SERPINA3: variants seen among roughly 807,000 people sequenced by gnomAD.
SERPINA3 encodes serpin family A member 3, also known as alpha-1-antichymotrypsin.
SERPINA3 carries 32 observed loss-of-function variants against 26.8 expected under a neutral mutation model. The observed-to-expected ratio is 1.20, with a 90% confidence interval of 0.90 to 1.61. The LOEUF (loss-of-function observed/expected upper bound fraction) is 1.61. Ranked by LOEUF, SERPINA3 falls within the 40% of genes most tolerant of loss-of-function variation. SERPINA3 has a pLI of 0.00. For synonymous variants in SERPINA3, 252 were observed against 206.4 expected, an observed-to-expected ratio of 1.22 and a Z score of -1.89; for missense variants, 632 against 517.9, an observed-to-expected ratio of 1.22 and a Z score of -2.14.
rs974361600 is a variant in SERPINA3 at position 94,615,051 on chromosome 14, A to G, written c.610A>G (p.Met204Val). The change falls in exon 2 of 5, where the codon ATG becomes GTG. Residue 204 changes from methionine to valine, a missense_variant. Coordinates refer to ENST00000393078, the MANE Select transcript of SERPINA3 (RefSeq NM_001085.5). ...GATCAAGGACCTTGACTCGCAGACA[A>G]TGATGGTCCTGGTGAATTACATCTT... is the stretch of plus-strand genomic sequence containing the variant. ...DLIKDLDSQT[M>V]MVLVNYIFFK... The G allele has an allele frequency of 2.7e-5, 43 of 1,614,054 alleles. No homozygotes were observed. The highest frequency in any genetic ancestry group is 6.6e-5 in the South Asian group (6 of 91,084).
chr14:94,622,416 G>C lies in SERPINA3; in HGVS notation c.993G>C (p.Leu331=). 1 of 1,614,054 alleles carries C rather than the reference G, an allele frequency of 6.2e-7. No individual in the cohort carries two copies. The highest frequency in any genetic ancestry group is 8.5e-7 in the Non-Finnish European group (1 of 1,179,992). ...ACCTGAACGACATACTTCTCCAGCT[G>C]GGCATTGAGGAAGCCTTCACCAGCA... The part of the protein sequence containing the change: ...DYNLNDILLQ[L]GIEEAFTSKA... The change falls in exon 4 of 5, where the codon CTG becomes CTC. Residue 331 remains leucine (L), a synonymous_variant. Coordinates refer to ENST00000393078, the MANE Select transcript of SERPINA3 (RefSeq NM_001085.5).
rs970400542 is a variant in SERPINA3 at position 94,619,099 on chromosome 14, A to T, written c.644-96A>T. ...TCTAAACCAAAGCAGGGTCCCTCCT[A>T]TGAGGGACTCTGGGCACTTCCACTG... On this transcript the variant is annotated intron_variant, in intron 2 of 4. Coordinates refer to ENST00000393078, the MANE Select transcript of SERPINA3 (RefSeq NM_001085.5). 7.6e-5 allele frequency: 108 copies of T among 1,422,922 alleles called. 2 individuals are homozygous for T. The Middle Eastern group carries it at 1.2e-3, about 16-fold the overall frequency. 88.1% of individuals were successfully genotyped at this position (1,422,922 alleles called of 1,614,324 possible).
chr14:94,619,673 G>A (rs1439667704), intron 3 of SERPINA3: 1 of 630,670 alleles, frequency 1.6e-6, no homozygotes, highest in African/African-American at 1.8e-5. Flanking sequence ...ACAAGGGGCT[G>A]AGGCTTCCTC....
Position 94,614,629 on chromosome 14 carries a change from A to G in SERPINA3, c.188A>G (p.Gln63Arg), listed in dbSNP as rs1885915766. ...NVDFAFSLYKQLVLKAPDKNV... is the reference protein window; with the variant it reads ...NVDFAFSLYKRLVLKAPDKNV... ...GACTTCGCTTTCAGCCTGTACAAGCAGTTAGTCCTGAAGGCCCCTGATAAG... is the reference window on the plus strand; with the variant it reads ...GACTTCGCTTTCAGCCTGTACAAGCGGTTAGTCCTGAAGGCCCCTGATAAG... Residue 63 changes from glutamine to arginine, a missense_variant, in exon 2 of 5, where the codon CAG (glutamine) becomes CGG (arginine). Coordinates refer to ENST00000393078, the MANE Select transcript of SERPINA3 (RefSeq NM_001085.5). 1 of 1,614,018 alleles carries G rather than the reference A, an allele frequency of 6.2e-7. No homozygotes were observed. Among genetic ancestry groups the G allele is most frequent in the South Asian group, 1.1e-5 (1 of 91,078 alleles).
intron 2 of SERPINA3, among the ~76,000 whole-genome samples, chr14:94,616,910 T>C (rs1339151764): frequency 1.3e-5 from 2 of 151,710 alleles, no homozygotes; most frequent in African/African-American, 4.8e-5. Context: ...CAGACAGAAA[T>C]GGGGGGAGAT....
intron 4 of SERPINA3, 113 bp from the exon 5 acceptor site, chr14:94,623,498 C>G: frequency 2.1e-6 from 2 of 961,286 alleles, no homozygotes; most frequent in Non-Finnish European, 3.3e-6. Context: ...AGCACAAAGA[C>G]AGGCCAGCAC....
At chr14:94,613,920 G>A (rs1885877796) in intron 1 of SERPINA3, 1 of 165,884 alleles carries the variant, frequency 6.0e-6, no homozygotes. Context: ...GACATCTAGA[G>A]GCTGGGAGAG....
chr14:94,616,591 G>A (rs1230108406), intron 2 of SERPINA3, among the ~76,000 whole-genome samples: 1 of 152,132 alleles, frequency 6.6e-6, no homozygotes, highest in Non-Finnish European at 1.5e-5. Context: ...CCAAGAGCAT[G>A]CAAGGATTGA....
In SERPINA3 at chr14:94,614,902, C is replaced by T. The variant is rs775971119; in HGVS notation, c.461C>T (p.Thr154Met). ...CAACTCAGTCTGCTGGACAGGTTCA[C>T]GGAGGATGCCAAGAGGCTGTATGGC... is the stretch of plus-strand genomic sequence containing the variant. ...KEQLSLLDRFTEDAKRLYGSE... is the reference protein window; with the variant it reads ...KEQLSLLDRFMEDAKRLYGSE... Residue 154 changes from threonine to methionine, a missense_variant, in exon 2 of 5, where the codon ACG (threonine) becomes ATG (methionine). Coordinates refer to ENST00000393078, the MANE Select transcript of SERPINA3 (RefSeq NM_001085.5). 1.9e-5 allele frequency: 30 copies of T among 1,614,164 alleles called. No homozygotes were observed. In the East Asian group the frequency reaches 2.5e-4, roughly 13 times the overall value.
intron 4 of SERPINA3, among the ~76,000 whole-genome samples, chr14:94,622,996 C>T (rs150481463): frequency 6.6e-6 from 1 of 152,204 alleles, no homozygotes. Flanking sequence ...GGCCATGCAG[C>T]CTTTTGCTCT....
At chr14:94,616,855 G>A (rs529510137) in intron 2 of SERPINA3, among the ~76,000 whole-genome samples, 43 of 152,290 alleles carry the variant, frequency 2.8e-4, no homozygotes, top group Non-Finnish European at 4.4e-5. Flanking sequence ...AGCTGAGGAT[G>A]TCAGAAGATG....
At chr14:94,619,811 G>T in intron 3 of SERPINA3, 1 of 388,212 alleles carries the variant, frequency 2.6e-6, no homozygotes, top group South Asian at 2.6e-5. Flanking sequence ...GTTGAGGGCT[G>T]CAGTGAGATG....
rs368401080 is a variant in SERPINA3 at position 94,614,765 on chromosome 14, G to T, written c.324G>T (p.Thr108=). ...EILKGLKFNL[T]ETSEAEIHQS... ...TCAAAGGCCTCAAGTTCAACCTCAC[G>T]GAGACTTCTGAGGCAGAAATTCACC... Residue 108 remains threonine (T), a synonymous_variant, in exon 2 of 5, where the codon ACG becomes ACT. Coordinates refer to ENST00000393078, the MANE Select transcript of SERPINA3 (RefSeq NM_001085.5). 3.1e-6 allele frequency: 5 copies of T among 1,614,002 alleles called. No individual in the cohort carries two copies. Among genetic ancestry groups the T allele is most frequent in the Non-Finnish European group, 4.2e-6 (5 of 1,180,032 alleles).
chr14:94,617,164 C>T (rs1886034617), intron 2 of SERPINA3, among the ~76,000 whole-genome samples: 1 of 152,176 alleles, frequency 6.6e-6, no homozygotes, highest in Non-Finnish European at 1.5e-5. Context: ...GCCACAGAAG[C>T]CCCTGAATGG....
chr14:94,622,430 C>T lies in SERPINA3; in HGVS notation c.1007C>T (p.Ala336Val). ...DILLQLGIEE[A>V]FTSKADLSGI... ...CTTCTCCAGCTGGGCATTGAGGAAG[C>T]CTTCACCAGCAAGGCTGACCTGTCA... The change falls in exon 4 of 5, where the codon GCC (alanine) becomes GTC (valine). Residue 336 changes from alanine (A) to valine (V), a missense_variant. Coordinates refer to ENST00000393078, the MANE Select transcript of SERPINA3 (RefSeq NM_001085.5). 1 of 1,614,092 alleles carries T rather than the reference C, an allele frequency of 6.2e-7. No homozygotes were observed. Among genetic ancestry groups the T allele is most frequent in the Non-Finnish European group, 8.5e-7 (1 of 1,179,992 alleles).
At chr14:94,620,900 G>A (rs573016553) in intron 3 of SERPINA3, among the ~76,000 whole-genome samples, 1 of 152,162 alleles carries the variant, frequency 6.6e-6, no homozygotes, top group Non-Finnish European at 1.5e-5. Context: ...TCAGACCGTG[G>A]TGGCTGGTGT....
At chr14:94,618,910 TTTCCCTAAACC>T (rs1255969619) in intron 2 of SERPINA3, 14 of 525,466 alleles carry the variant, frequency 2.7e-5, no homozygotes, top group Non-Finnish European at 4.1e-5. Flanking sequence ...TTTCCCCCAC[TTTCCCTAAACC>T]TTCTTTCTCT....
chr14:94,624,033 G>A lies in SERPINA3; in HGVS notation c.*219G>A. On this transcript the variant is annotated 3_prime_UTR_variant, in exon 5 of 5. Coordinates refer to ENST00000393078, the MANE Select transcript of SERPINA3 (RefSeq NM_001085.5). ...CTGGAGGGTCCTGGGCCTCCTGACA[G>A]CAATAAATAATTTCGTTGGACACGT... 3 of 602,358 alleles carry A rather than the reference G, an allele frequency of 5.0e-6. No homozygotes were observed. Among genetic ancestry groups the A allele is most frequent in the Non-Finnish European group, 8.9e-6 (3 of 338,596 alleles). 37.3% of individuals were successfully genotyped at this position (602,358 alleles called of 1,614,324 possible).
intron 1 of SERPINA3, among the ~76,000 whole-genome samples, chr14:94,612,713 C>T (rs1264010643): frequency 6.6e-6 from 1 of 152,216 alleles, no homozygotes; most frequent in Non-Finnish European, 1.5e-5. Context: ...TTGATACTTA[C>T]AGATTCGGAT....
Sources: allele counts gnomAD v4.1 joint callset (sites outside exome capture counted in the v4.1 genomes callset), GRCh38; gene constraint gnomAD v4.1.1; transcripts MANE v1.5; gene names NCBI Gene and HGNC (gene_info 2026-07-23, HGNC 2026-07-21).